THADA: variants seen among roughly 807,000 people sequenced by gnomAD.
The protein encoded by THADA is tRNA (32-2'-O)-methyltransferase regulator THADA.
In THADA, 213 loss-of-function variants were observed where a neutral mutation model predicts 219.8. The observed-to-expected ratio is 0.97, with a 90% CI of 0.87 to 1.09. THADA has a LOEUF of 1.09. Ranked by LOEUF, THADA falls within the 50% of genes least tolerant of loss-of-function variation. The pLI is 0.00. For missense variants in THADA, 2,956 were observed against 2,311.3 expected (o/e 1.28, Z -5.72); for synonymous variants, 1,018 against 828.9 (o/e 1.23, Z -3.92).
intron 36 of THADA, among the ~76,000 whole-genome samples, chr2:43,267,185 T>G (rs1180980801): frequency 1.3e-5 from 2 of 152,226 alleles, no homozygotes. Flanking sequence ...ATTCTTATTA[T>G]TAATGGTTAC....
chr2:43,423,024 G>C (rs1677919659), intron 28 of THADA, among the ~76,000 whole-genome samples: 1 of 152,184 alleles, frequency 6.6e-6, no homozygotes, highest in South Asian at 2.1e-4. Flanking sequence ...CTAGAGAATA[G>C]GATGACATTC....
chr2:43,551,975 T>A (rs1482717064), intron 18 of THADA, 50 bp from the exon 19 acceptor site: 1 of 1,580,798 alleles, frequency 6.3e-7, no homozygotes, highest in Non-Finnish European at 8.6e-7. Context: ...AAATCACATT[T>A]TAAAAATGAA....
chr2:43,527,686 G>T (rs190988476), intron 22 of THADA, among the ~76,000 whole-genome samples, 193 bp downstream of exon 22: 5 of 152,112 alleles, frequency 3.3e-5, no homozygotes, highest in African/African-American at 1.2e-4. Flanking sequence ...TAATAACTCA[G>T]TTTGGACGTT....
chr2:43,410,332 T>C (rs1385973059), intron 28 of THADA, among the ~76,000 whole-genome samples: 1 of 152,192 alleles, frequency 6.6e-6, no homozygotes, highest in African/African-American at 2.4e-5. Context: ...TTTGGCAGTT[T>C]CTTAACAAGT....
intron 20 of THADA, among the ~76,000 whole-genome samples, chr2:43,546,429 A>G (rs1403418346): frequency 3.3e-5 from 5 of 152,148 alleles, no homozygotes; most frequent in African/African-American, 9.6e-5. Flanking sequence ...TATCCTTGTT[A>G]ACTTTCTGTC....
At chr2:43,528,870 A>G (rs1257908387) in intron 21 of THADA, among the ~76,000 whole-genome samples, 2 of 152,192 alleles carry the variant, frequency 1.3e-5, no homozygotes, top group African/African-American at 4.8e-5. Context: ...ATTAAGTGGC[A>G]TAAGTACATT....
intron 26 of THADA, among the ~76,000 whole-genome samples, chr2:43,441,685 T>C (rs1208027426): frequency 1.3e-5 from 2 of 152,184 alleles, no homozygotes. Flanking sequence ...TTTATAATAG[T>C]GTCTCCATAT....
At chr2:43,518,464 C>T (rs1444802810) in intron 22 of THADA, among the ~76,000 whole-genome samples, 4 of 152,102 alleles carry the variant, frequency 2.6e-5, no homozygotes, top group African/African-American at 4.8e-5. Flanking sequence ...CCCCAAACAG[C>T]TTACCAAAAT....
chr2:43,334,232 G>C (rs1005818929), intron 30 of THADA, among the ~76,000 whole-genome samples: 1 of 152,130 alleles, frequency 6.6e-6, no homozygotes, highest in Non-Finnish European at 1.5e-5. Flanking sequence ...GACAGGGGAG[G>C]AGACAGGAAA....
At chr2:43,465,389 T>G (rs1000829446) in intron 26 of THADA, among the ~76,000 whole-genome samples, 1 of 151,746 alleles carries the variant, frequency 6.6e-6, no homozygotes, top group Non-Finnish European at 1.5e-5. Flanking sequence ...CTGACTGAGT[T>G]CAGAAGGGCT....
At position 43,582,898 on chromosome 2, in the gene THADA, C is replaced by T. The variant is rs115102365; in HGVS notation, c.534-970G>A. On this transcript the variant is annotated intron_variant, in intron 7 of 37. Transcript: ENST00000405975. ...CCTGACTTCTAAAATGCCAGGCTCT[C>T]GCAGATTTTCCCCTACTTCACCAGC... Among the ~76,000 whole-genome samples the T allele has an allele frequency of 4.5e-3, 682 of 152,120 alleles. 7 individuals carry two copies. Among genetic ancestry groups the T allele is most frequent in the African/African-American group, 0.016 (649 of 41,496 alleles).
intron 28 of THADA, among the ~76,000 whole-genome samples, chr2:43,425,128 AC>A (rs1341884396): frequency 6.6e-6 from 1 of 152,036 alleles, no homozygotes; most frequent in Non-Finnish European, 1.5e-5. Flanking sequence ...TACATCTAAC[AC>A]CCTTGACAAG....
At chr2:43,578,275 T>C (rs573077149) in intron 9 of THADA, among the ~76,000 whole-genome samples, 1 of 151,794 alleles carries the variant, frequency 6.6e-6, no homozygotes, top group Non-Finnish European at 1.5e-5. Context: ...CTCAAAGAGC[T>C]GGGACTACAG....
intron 36 of THADA, among the ~76,000 whole-genome samples, chr2:43,237,492 G>C (rs1159573211): frequency 4.6e-4 from 68 of 149,068 alleles, no homozygotes; most frequent in Non-Finnish European, 2.8e-4. Context: ...CTGCTGCCCA[G>C]GTTCAAGCAA....
chr2:43,442,898 C>T (rs1279923354), intron 26 of THADA, among the ~76,000 whole-genome samples: 1 of 152,176 alleles, frequency 6.6e-6, no homozygotes, highest in Non-Finnish European at 1.5e-5. Context: ...CACTCTCCGC[C>T]TCTGCTGCCC....
chr2:43,281,146 T>C (rs1355055855), intron 35 of THADA, among the ~76,000 whole-genome samples: 2 of 152,232 alleles, frequency 1.3e-5, no homozygotes, highest in African/African-American at 2.4e-5. Context: ...CATCTGTACA[T>C]GGAGAACCTG....
chr2:43,578,686 C>G, intron 8 of THADA, 79 bp from the exon 9 acceptor site: 1 of 968,570 alleles, frequency 1.0e-6, no homozygotes, highest in Non-Finnish European at 1.5e-6. Context: ...TGCTGAGCAG[C>G]CAGATAGGCC....
At chr2:43,426,802 G>A (rs919473620) in intron 28 of THADA, among the ~76,000 whole-genome samples, 18 of 152,292 alleles carry the variant, frequency 1.2e-4, no homozygotes, top group Admixed American at 8.5e-4. Flanking sequence ...TTACCCTTCT[G>A]CTCCAAATCC....
intron 26 of THADA, among the ~76,000 whole-genome samples, chr2:43,467,891 T>C (rs966509614): frequency 3.9e-5 from 6 of 152,204 alleles, no homozygotes; most frequent in African/African-American, 1.2e-4. Flanking sequence ...AACAGCTCAG[T>C]AGATAAATCT....
Sources: allele counts gnomAD v4.1 joint callset (sites outside exome capture counted in the v4.1 genomes callset), GRCh38; gene constraint gnomAD v4.1.1; transcripts MANE v1.5; gene names NCBI Gene and HGNC (gene_info 2026-07-23, HGNC 2026-07-21).